Variants in ANK3 observed in about 807,000 individuals in gnomAD.
ANK3 encodes the protein ankyrin-3.
ANK3 carries 57 observed loss-of-function variants against 370.9 expected under a neutral mutation model. That is an observed-to-expected ratio of 0.15 (90% CI 0.12 to 0.19). ANK3 has a LOEUF of 0.19. Ranked by LOEUF, ANK3 falls within the 10% of genes least tolerant of loss-of-function variation. ANK3 has a pLI of 1.00. For missense variants in ANK3, 4,439 were observed against 5,302.1 expected (o/e 0.84, Z 5.06); for synonymous variants, 1,929 against 1,946.3 (o/e 0.99, Z 0.23).
intron 18 of ANK3, among the ~76,000 whole-genome samples, chr10:60,180,925 C>T (rs1158381629): frequency 6.6e-6 from 1 of 152,060 alleles, no homozygotes; most frequent in Non-Finnish European, 1.5e-5. Context: ...CTTAATTTAT[C>T]CTGTTTCATA....
intron 24 of ANK3, among the ~76,000 whole-genome samples, chr10:60,135,193 A>G (rs950978995): frequency 6.6e-6 from 1 of 152,156 alleles, no homozygotes; most frequent in African/African-American, 2.4e-5. Flanking sequence ...CACATAAGTC[A>G]TACAGGCAAA....
At chr10:60,207,711 C>T (rs2096786505) in intron 10 of ANK3, among the ~76,000 whole-genome samples, 1 of 152,182 alleles carries the variant, frequency 6.6e-6, no homozygotes, top group African/African-American at 2.4e-5. Context: ...TCAGAATAAA[C>T]TTTTAATTCA....
chr10:60,481,759 C>G (rs753136343), intron 2 of ANK3, among the ~76,000 whole-genome samples: 1 of 152,140 alleles, frequency 6.6e-6, no homozygotes, highest in East Asian at 1.9e-4. Flanking sequence ...CCACTGCACC[C>G]GGCCACAAGC....
chr10:60,090,182 G>C (rs1383980454), intron 28 of ANK3, among the ~76,000 whole-genome samples: 1 of 152,032 alleles, frequency 6.6e-6, no homozygotes, highest in Non-Finnish European at 1.5e-5. Flanking sequence ...GCTGGGTGTG[G>C]TGGCATGCGC....
chr10:60,222,574 A>T (rs2097079456), intron 8 of ANK3, among the ~76,000 whole-genome samples: 1 of 152,116 alleles, frequency 6.6e-6, no homozygotes, highest in Admixed American at 6.6e-5. Flanking sequence ...CTGATTTAGG[A>T]TGCCATTCTG....
intron 23 of ANK3, among the ~76,000 whole-genome samples, chr10:60,164,681 T>C (rs1027971987): frequency 2.0e-5 from 3 of 152,158 alleles, no homozygotes; most frequent in Non-Finnish European, 4.4e-5. Flanking sequence ...GAAGGATTTT[T>C]AAAGACAGAA....
At position 60,365,628 on chromosome 10, in the gene ANK3, G is replaced by A. The variant is rs191947367; in HGVS notation, c.114+23797C>T. Among the ~76,000 whole-genome samples, 5 of 152,276 alleles carry A rather than the reference G, an allele frequency of 3.3e-5. No homozygotes were observed. The East Asian group carries it at 9.6e-4, about 29-fold the overall frequency. ...GAAGTATACTCTTTAAATGGAACGA[G>A]AGAAAAACATCAGGGACTTATTTAG... On this transcript the variant is annotated intron_variant, in intron 1 of 43. Transcript: ENST00000280772.
At position 60,354,847 on chromosome 10, in the gene ANK3, T is replaced by C. The variant is rs561331813; in HGVS notation, c.114+34578A>G. Among the ~76,000 whole-genome samples the C allele has an allele frequency of 3.0e-4, 46 of 152,260 alleles. No homozygotes were observed. In the South Asian group the frequency reaches 7.1e-3, roughly 23 times the overall value. ...CGTTTATCTTATGCTTATGAATTTT[T>C]AAATATAAGAAAAATTTTCTTTTGT... On this transcript the variant is annotated intron_variant, in intron 1 of 43. Coordinates refer to ENST00000280772, the MANE Select transcript of ANK3 (RefSeq NM_020987.5).
intron 18 of ANK3, among the ~76,000 whole-genome samples, chr10:60,180,594 C>CAAAAAAAA (rs58386273): frequency 0.069 from 4,365 of 63,198 alleles, 718 homozygotes; most frequent in African/African-American, 0.14. Flanking sequence ...GACTCCGTCT[C>CAAAAAAAA]AAAAAAAAAA....
intron 23 of ANK3, among the ~76,000 whole-genome samples, chr10:60,160,668 A>G (rs1166569422): frequency 2.0e-5 from 3 of 152,132 alleles, no homozygotes; most frequent in South Asian, 2.1e-4. Flanking sequence ...CTAGCAAACC[A>G]TATATAACAA....
intron 30 of ANK3, among the ~76,000 whole-genome samples, chr10:60,085,610 CTTTTTTTTTT>C (rs10601268): frequency 9.1e-6 from 1 of 109,920 alleles, no homozygotes; most frequent in Non-Finnish European, 1.8e-5. Context: ...GTCTCTTACT[CTTTTTTTTTT>C]TTTTTTTTTT....
intron 10 of ANK3, 119 bp downstream of exon 10, chr10:60,207,917 G>C: frequency 1.1e-6 from 1 of 900,016 alleles, no homozygotes; most frequent in Non-Finnish European, 1.7e-6. Context: ...AAATTGACAA[G>C]AAGTACACTT....
intron 26 of ANK3, among the ~76,000 whole-genome samples, chr10:60,112,713 T>C (rs924332052): frequency 1.3e-5 from 2 of 152,136 alleles, no homozygotes; most frequent in African/African-American, 2.4e-5. Context: ...TAAATATAAA[T>C]GAGACAATAC....
At chr10:60,446,422 GC>G (rs887651500) in intron 2 of ANK3, among the ~76,000 whole-genome samples, 1 of 152,066 alleles carries the variant, frequency 6.6e-6, no homozygotes, top group South Asian at 2.1e-4. Flanking sequence ...TTGCTAGTGA[GC>G]CCCCCCTTCC....
At chr10:60,629,440 A>G (rs1185784888) in intron 1 of ANK3, among the ~76,000 whole-genome samples, 5 of 152,182 alleles carry the variant, frequency 3.3e-5, no homozygotes, top group Non-Finnish European at 7.4e-5. Context: ...TTATTGGATC[A>G]CTAAATAAAT....
At chr10:60,080,682 G>C (rs1042509051) in intron 35 of ANK3, 64 bp from the exon 36 acceptor site, 2 of 1,273,040 alleles carry the variant, frequency 1.6e-6, no homozygotes, top group Non-Finnish European at 2.2e-6. Context: ...TCAGTTTTAA[G>C]ACATTTTGTA....
Position 60,073,634 on chromosome 10 carries a change from A to G in ANK3, c.7247T>C (p.Val2416Ala), listed in dbSNP as rs754479636. 3 of 1,613,834 alleles carry G rather than the reference A, an allele frequency of 1.9e-6. No individual in the cohort carries two copies. The highest frequency in any genetic ancestry group is 1.3e-5 in the African/African-American group (1 of 74,898). ...YLESSRVNTP[V>A]SQEEDSRPSS... ...AGGGCGGCTATCTTCTTCTTGGGACACAGGAGTGTTTACTCTGGAAGACTC... is the reference window on the plus strand; with the variant it reads ...AGGGCGGCTATCTTCTTCTTGGGACGCAGGAGTGTTTACTCTGGAAGACTC... Residue 2416 changes from valine to alanine, a missense_variant, in exon 37 of 44, where the codon GTG (valine) becomes GCG (alanine). Val to Ala is a moderately conservative substitution (Grantham distance 64). Around this residue, in one of 13 missense-constraint regions of ANK3, gnomAD observed 1,601 missense variants for 1,731.7 expected, o/e 0.92. Coordinates refer to ENST00000280772, the MANE Select transcript of ANK3 (RefSeq NM_020987.5).
chr10:60,300,349 T>G (rs1303845635), intron 1 of ANK3: 2 of 1,289,510 alleles, frequency 1.6e-6, no homozygotes, highest in Admixed American at 2.3e-5. Flanking sequence ...CCTCTTCCAC[T>G]GCCATTCTCT....
intron 1 of ANK3, among the ~76,000 whole-genome samples, chr10:60,336,282 A>G (rs1289375586): frequency 6.6e-6 from 1 of 151,766 alleles, no homozygotes; most frequent in Non-Finnish European, 1.5e-5. Flanking sequence ...GAATGTGAAA[A>G]CTCTTGAGAA....
Sources: allele counts gnomAD v4.1 joint callset (sites outside exome capture counted in the v4.1 genomes callset), GRCh38; gene constraint gnomAD v4.1.1; regional missense constraint gnomAD v4.1.1; transcripts MANE v1.5; gene names NCBI Gene and HGNC (gene_info 2026-07-23, HGNC 2026-07-21).